Variants in CCDC141 observed in about 807,000 individuals in gnomAD.
The protein encoded by CCDC141 is coiled-coil domain-containing protein 141.
CCDC141 carries 168 observed loss-of-function variants against 181.0 expected under a neutral mutation model. That is an observed-to-expected ratio of 0.93 (90% CI 0.82 to 1.05). The LOEUF (loss-of-function observed/expected upper bound fraction) is 1.05, where lower values mean the gene tolerates loss of function less well. CCDC141 is among the 50% of genes least tolerant of loss of function. The pLI is 0.00. For missense variants in CCDC141, 1,902 were observed against 1,788.5 expected, an observed-to-expected ratio of 1.06 and a Z score of -1.14; for synonymous variants, 666 against 642.3, an observed-to-expected ratio of 1.04 and a Z score of -0.56.
At chr2:178,994,739 C>G (rs1326341819) in intron 2 of CCDC141, among the ~76,000 whole-genome samples, 1 of 152,152 alleles carries the variant, frequency 6.6e-6, no homozygotes, top group African/African-American at 2.4e-5. Flanking sequence ...AACTGAATGC[C>G]TTTAACAGCA....
intron 19 of CCDC141, among the ~76,000 whole-genome samples, chr2:178,854,262 C>T (rs1353062998): frequency 1.3e-5 from 2 of 152,168 alleles, no homozygotes; most frequent in East Asian, 1.9e-4. Context: ...TGGTGGCTCA[C>T]GCCTGTAATC....
intron 11 of CCDC141, among the ~76,000 whole-genome samples, chr2:178,883,111 T>C (rs1686705937): frequency 6.6e-6 from 1 of 152,210 alleles, no homozygotes. Flanking sequence ...TCAAAGTTGA[T>C]GCTTAAATGA....
At chr2:178,992,379 G>GA (rs140776901) in intron 2 of CCDC141, among the ~76,000 whole-genome samples, 7,432 of 125,098 alleles carry the variant, frequency 0.059, 261 homozygotes, top group South Asian at 0.089. Flanking sequence ...ATTCTTAAAG[G>GA]AAAAAAAAAA....
intron 17 of CCDC141, among the ~76,000 whole-genome samples, chr2:178,857,030 T>C (rs1372655466): frequency 6.6e-6 from 1 of 152,244 alleles, no homozygotes; most frequent in Non-Finnish European, 1.5e-5. Flanking sequence ...AGAATATTCC[T>C]TTGTCCCTCA....
the CCDC141 span, among the ~76,000 whole-genome samples, chr2:178,815,485 C>G: frequency 6.6e-6 from 1 of 152,134 alleles, no homozygotes; most frequent in Admixed American, 6.5e-5. Flanking sequence ...AATGAAGGAA[C>G]ACTTATCATC....
At chr2:179,008,176 T>C (rs1261241064) in intron 2 of CCDC141, among the ~76,000 whole-genome samples, 1 of 152,216 alleles carries the variant, frequency 6.6e-6, no homozygotes, top group Non-Finnish European at 1.5e-5. Context: ...AATAAATTGG[T>C]ATTTTAGAGT....
intron 8 of CCDC141, among the ~76,000 whole-genome samples, chr2:178,898,590 A>T (rs1479174461): frequency 1.3e-5 from 2 of 152,200 alleles, no homozygotes; most frequent in Non-Finnish European, 2.9e-5. Context: ...TTACCATCAG[A>T]TTAGATGCAG....
intron 2 of CCDC141, among the ~76,000 whole-genome samples, chr2:178,995,230 C>T (rs1447535549): frequency 6.6e-6 from 1 of 152,204 alleles, no homozygotes; most frequent in African/African-American, 2.4e-5. Flanking sequence ...GGAGAACTCA[C>T]AGTTCCACCT....
chr2:178,988,465 A>C (rs1193449826), intron 2 of CCDC141, among the ~76,000 whole-genome samples: 1 of 145,478 alleles, frequency 6.9e-6, no homozygotes, highest in Non-Finnish European at 1.5e-5. Flanking sequence ...AACTTAAAGT[A>C]TAATAATAAA....
Position 178,959,104 on chromosome 2 carries a change from G to A in CCDC141, c.780+2126C>T, listed in dbSNP as rs184115334. On this transcript the variant is annotated intron_variant, in intron 5 of 23. Coordinates refer to ENST00000443758, the MANE Select transcript of CCDC141 (RefSeq NM_173648.4). The stretch of plus-strand genomic sequence containing the variant: ...TGGGAACTGAACAATGAGAACACTT[G>A]GACACAGGAAGGGGAAGATCACACA... Among the ~76,000 whole-genome samples the A allele has an allele frequency of 6.7e-4, 102 of 151,684 alleles. 1 individual carries two copies. In the East Asian group the frequency reaches 0.019, roughly 29 times the overall value.
At chr2:178,932,104 G>A (rs1689123032) in intron 6 of CCDC141, among the ~76,000 whole-genome samples, 1 of 152,148 alleles carries the variant, frequency 6.6e-6, no homozygotes, top group African/African-American at 2.4e-5. Flanking sequence ...GCCTGAATAA[G>A]CCATGATTGT....
chr2:178,879,825 G>C (rs1379639057), intron 11 of CCDC141, among the ~76,000 whole-genome samples: 2 of 152,214 alleles, frequency 1.3e-5, no homozygotes, highest in African/African-American at 4.8e-5. Flanking sequence ...GGGATAACTT[G>C]TGTAAAAGTG....
intron 2 of CCDC141, among the ~76,000 whole-genome samples, chr2:178,981,401 C>T (rs553599497): frequency 6.9e-4 from 105 of 151,538 alleles, no homozygotes; most frequent in African/African-American, 2.4e-3. Context: ...AATATACTCT[C>T]AGACCACAAA....
At chr2:178,850,240 C>G (rs1399325884) in intron 20 of CCDC141, 79 bp from the exon 21 acceptor site, 5 of 732,646 alleles carry the variant, frequency 6.8e-6, no homozygotes, top group African/African-American at 1.8e-5. Context: ...AATTCATCTC[C>G]CTGTCCAGTG....
chr2:178,838,908 A>C (rs765924444), intron 22 of CCDC141, among the ~76,000 whole-genome samples: 17 of 152,194 alleles, frequency 1.1e-4, no homozygotes, highest in Non-Finnish European at 1.6e-4. Context: ...AGAACATTGA[A>C]GCTGAAAAGC....
rs1684387870 is a variant in CCDC141 at position 178,834,379 on chromosome 2, T to C, written c.4387A>G (p.Arg1463Gly). ...GHLQVLHKET[R>G]HSVFIPKVCK... ...ACCTTTGGAATGAACACCGAATGCC[T>C]TGTCTCCTTGTGTAAAACCTGTAAG... The change falls in exon 24 of 24, where the codon AGG becomes GGG. Residue 1463 changes from arginine (R) to glycine (G), a missense_variant. By Grantham distance (125) the Arg-to-Gly change is moderately radical. Coordinates refer to ENST00000443758, the MANE Select transcript of CCDC141 (RefSeq NM_173648.4). 6.5e-7 allele frequency: 1 copy of C among 1,536,284 alleles called. No individual in the cohort carries two copies. The highest frequency in any genetic ancestry group is 2.0e-5 in the Admixed American group (1 of 50,976).
Position 178,834,118 on chromosome 2 carries a change from G to A in CCDC141, c.*55C>T. ...TGCAGGAGGTGCAGGAAGATAAACGGCGGCACTTTTCTTTAGGCACATGAG... is the reference window on the plus strand; with the variant it reads ...TGCAGGAGGTGCAGGAAGATAAACGACGGCACTTTTCTTTAGGCACATGAG... On this transcript the variant is annotated 3_prime_UTR_variant, in exon 24 of 24. Transcript: ENST00000443758. The A allele has an allele frequency of 6.6e-7, 1 of 1,507,960 alleles. No individual in the cohort carries two copies. The highest frequency in any genetic ancestry group is 8.9e-7 in the Non-Finnish European group (1 of 1,125,086). The allele number at this position is 1,507,960 out of a possible 1,614,324, so 93.4% of individuals were successfully genotyped here.
rs1691221230 is a variant in CCDC141, at chr2:178,978,487, T to C, written c.414A>G (p.Leu138=). Residue 138 remains leucine, a synonymous_variant, in exon 3 of 24, where the codon TTA becomes TTG. Coordinates refer to ENST00000443758, the MANE Select transcript of CCDC141 (RefSeq NM_173648.4). ...AGAAGTTTTTTAAAGTACAAACCTCTAAGGCATTTTCAAAAAATTCAGAAG... is the reference window on the plus strand; with the variant it reads ...AGAAGTTTTTTAAAGTACAAACCTCCAAGGCATTTTCAAAAAATTCAGAAG... ...RLTSEFFENA[L]EFAIKIDQAE... is the part of the protein sequence containing the mutation. 6.7e-7 allele frequency: 1 copy of C among 1,498,326 alleles called. No homozygotes were observed. Among genetic ancestry groups the C allele is most frequent in the East Asian group, 2.6e-5 (1 of 39,164 alleles). The allele number at this position is 1,498,326 out of a possible 1,614,324, so 92.8% of individuals were successfully genotyped here. A position where few individuals can be genotyped will look rare whatever the true frequency, so the allele number is the denominator to read the frequency against.
chr2:178,927,320 T>G (rs371546899), intron 6 of CCDC141, among the ~76,000 whole-genome samples: 5 of 152,268 alleles, frequency 3.3e-5, no homozygotes, highest in East Asian at 3.9e-4. Flanking sequence ...GCACCTTTTA[T>G]GAACACAAGC....
Sources: gnomAD v4.1 joint callset for allele counts (sites outside exome capture counted in the v4.1 genomes callset) on GRCh38, gnomAD v4.1.1 for gene constraint, MANE v1.5 for transcripts, NCBI Gene and HGNC (gene_info 2026-07-23, HGNC 2026-07-21) for gene names.